ADK: variants seen among roughly 807,000 people sequenced by gnomAD.
ADK encodes the protein N6,N6-dimethyladenosine kinase.
ADK carries 24 observed loss-of-function variants against 44.7 expected under a neutral mutation model. The observed-to-expected ratio is 0.54, with a 90% confidence interval of 0.39 to 0.76. ADK has a LOEUF of 0.76. Among genes scored for constraint, ADK ranks in the 30% least tolerant of loss-of-function variants. ADK has a pLI of 0.00. For missense variants in ADK, 321 were observed against 425.1 expected (o/e 0.76, Z 2.15); for synonymous variants, 128 against 142.6 (o/e 0.90, Z 0.73).
At chr10:74,494,742 A>G (rs1350930812) in intron 6 of ADK, among the ~76,000 whole-genome samples, 1 of 151,964 alleles carries the variant, frequency 6.6e-6, no homozygotes, top group Non-Finnish European at 1.5e-5. Flanking sequence ...AGCTCACTGC[A>G]ACCTCTGCCT....
intron 7 of ADK, among the ~76,000 whole-genome samples, chr10:74,561,482 T>C (rs1775038467): frequency 6.6e-6 from 1 of 152,232 alleles, no homozygotes; most frequent in Admixed American, 6.5e-5. Flanking sequence ...CGTTCATTTA[T>C]TTAAATGTAG....
At chr10:74,494,021 T>C (rs1286593776) in intron 6 of ADK, among the ~76,000 whole-genome samples, 3 of 152,152 alleles carry the variant, frequency 2.0e-5, no homozygotes, top group Non-Finnish European at 4.4e-5. Context: ...CTTAGAGACA[T>C]GGTAAATTAA....
intron 1 of ADK, among the ~76,000 whole-genome samples, chr10:74,193,480 T>C (rs1843020604): frequency 6.6e-6 from 1 of 152,180 alleles, no homozygotes; most frequent in South Asian, 2.1e-4. Context: ...AAAACTTCTT[T>C]GTCTTTATAA....
At chr10:74,645,491 G>A (rs1009087476) in intron 9 of ADK, among the ~76,000 whole-genome samples, 2 of 152,130 alleles carry the variant, frequency 1.3e-5, no homozygotes, top group Admixed American at 6.6e-5. Flanking sequence ...TATAGGTTTT[G>A]TGAAAGGGAG....
At chr10:74,453,338 A>G (rs1845839325) in intron 6 of ADK, among the ~76,000 whole-genome samples, 1 of 152,010 alleles carries the variant, frequency 6.6e-6, no homozygotes, top group Non-Finnish European at 1.5e-5. Context: ...ACTGATCAAT[A>G]TTTGATCTTT....
At chr10:74,303,589 T>TTTTTTTTG (rs1592016701) in intron 3 of ADK, among the ~76,000 whole-genome samples, 2 of 94,244 alleles carry the variant, frequency 2.1e-5, no homozygotes, top group Admixed American at 1.1e-4. Flanking sequence ...TTTAATGTTG[T>TTTTTTTTG]TTTTTTTTTT....
intron 4 of ADK, among the ~76,000 whole-genome samples, chr10:74,340,695 A>G (rs571852354): frequency 2.8e-4 from 42 of 152,196 alleles, no homozygotes; most frequent in Non-Finnish European, 5.7e-4. Flanking sequence ...ACTGGAAACC[A>G]GTGGAGGAAA....
intron 1 of ADK, among the ~76,000 whole-genome samples, chr10:74,191,002 A>G (rs1240403107): frequency 1.5e-5 from 2 of 131,148 alleles, no homozygotes; most frequent in Non-Finnish European, 1.6e-5. Flanking sequence ...TTTTTTTGAG[A>G]TGCAGTCTTG....
Position 74,329,106 on chromosome 10 carries a change from CAAAAAAA to C in ADK, c.273+14379_273+14385del, listed in dbSNP as rs138730631. 8.5e-3 allele frequency among the ~76,000 whole-genome samples: 699 copies of C among 82,148 alleles called. 8 individuals are homozygous for C. The highest frequency in any genetic ancestry group is 0.032 in the African/African-American group (641 of 20,234). 53.9% of individuals were successfully genotyped at this position (82,148 alleles called of 152,430 possible). A position where few individuals can be genotyped will look rare whatever the true frequency, so the allele number is the denominator to read the frequency against. On this transcript the variant is annotated intron_variant, in intron 4 of 10. Coordinates refer to ENST00000539909, the MANE Select transcript of ADK (RefSeq NM_006721.4). The stretch of plus-strand genomic sequence containing the variant: ...AATAAAATCTAATCTTCTGTGCAGG[CAAAAAAA>C]AAAAAAAAAAAAAAAAAGAAATTCT...
At chr10:74,433,866 A>G (rs919345194) in intron 6 of ADK, among the ~76,000 whole-genome samples, 1 of 152,204 alleles carries the variant, frequency 6.6e-6, no homozygotes, top group African/African-American at 2.4e-5. Context: ...TATGCTGGAT[A>G]CATTAATTTG....
intron 7 of ADK, among the ~76,000 whole-genome samples, chr10:74,565,506 T>G (rs1850629276): frequency 6.6e-6 from 1 of 152,128 alleles, no homozygotes; most frequent in Non-Finnish European, 1.5e-5. Context: ...GGCGGGCAGA[T>G]CACCTGAGGT....
chr10:74,182,283 A>G (rs1431472472), intron 1 of ADK, among the ~76,000 whole-genome samples: 1 of 152,140 alleles, frequency 6.6e-6, no homozygotes, highest in African/African-American at 2.4e-5. Context: ...TTAGAGAGGT[A>G]AGTGAGCTTT....
At chr10:74,625,329 A>T (rs973609055) in intron 9 of ADK, among the ~76,000 whole-genome samples, 1 of 152,176 alleles carries the variant, frequency 6.6e-6, no homozygotes, top group Non-Finnish European at 1.5e-5. Flanking sequence ...CAAAAGGCAG[A>T]GTCCTTCATA....
rs376008773 is a variant in ADK at position 74,691,743 on chromosome 10, A to G, written c.965-16578A>G. On this transcript the variant is annotated intron_variant, in intron 10 of 10. Transcript: ENST00000539909. ...GATCAATGAGTTTGGGATATAATGC[A>G]TGTAATTTTAAACAGTTCCTTTTAT... is the stretch of plus-strand genomic sequence containing the variant. 1.2e-4 allele frequency among the ~76,000 whole-genome samples: 19 copies of G among 152,298 alleles called. 1 individual carries two copies. The East Asian group carries it at 2.5e-3, about 20-fold the overall frequency.
chr10:74,342,964 T>G (rs1841635526), intron 4 of ADK, among the ~76,000 whole-genome samples: 1 of 152,200 alleles, frequency 6.6e-6, no homozygotes, highest in Non-Finnish European at 1.5e-5. Flanking sequence ...TTGGAAGCCT[T>G]TAACTATTTT....
intron 4 of ADK, among the ~76,000 whole-genome samples, chr10:74,315,233 A>G (rs1459627986): frequency 2.0e-5 from 3 of 152,132 alleles, no homozygotes; most frequent in Non-Finnish European, 4.4e-5. Flanking sequence ...GCCACAAGAT[A>G]GTAGAAATTG....
At chr10:74,215,819 A>T (rs1171428412) in intron 2 of ADK, among the ~76,000 whole-genome samples, 1 of 63,580 alleles carries the variant, frequency 1.6e-5, no homozygotes, top group East Asian at 2.5e-4. Context: ...TGCCTGGCTA[A>T]TTTTTTTGTA....
At position 74,588,421 on chromosome 10, in the gene ADK, C is replaced by G. The variant is rs537160772; in HGVS notation, c.727-861C>G. On this transcript the variant is annotated intron_variant, in intron 7 of 10. Coordinates refer to ENST00000539909, the MANE Select transcript of ADK (RefSeq NM_006721.4). The stretch of plus-strand genomic sequence containing the variant: ...TTACATTACATTGACTTGTTAAAAA[C>G]ATTAAGCTAGTTGTCCTACAGAATG... Among the ~76,000 whole-genome samples the G allele has an allele frequency of 1.5e-3, 233 of 152,256 alleles. 1 individual carries two copies. Among genetic ancestry groups the G allele is most frequent in the Admixed American group, 3.6e-3 (55 of 15,290 alleles).
At chr10:74,488,003 G>T (rs1847326277) in intron 6 of ADK, among the ~76,000 whole-genome samples, 1 of 151,972 alleles carries the variant, frequency 6.6e-6, no homozygotes, top group Non-Finnish European at 1.5e-5. Context: ...CTTAATGTGT[G>T]TCCAAATGGC....
Sources: gnomAD v4.1 joint callset for allele counts (sites outside exome capture counted in the v4.1 genomes callset) on GRCh38, gnomAD v4.1.1 for gene constraint, MANE v1.5 for transcripts, NCBI Gene and HGNC (gene_info 2026-07-23, HGNC 2026-07-21) for gene names.